ARPC1A: variants seen among roughly 807,000 people sequenced by gnomAD.
ARPC1A encodes the protein actin related protein 2/3 complex subunit 1A, also known as actin-related protein 2/3 complex subunit 1A.
A neutral mutation model predicts 46.9 loss-of-function variants in ARPC1A; 8 were observed. That is an observed-to-expected ratio of 0.17 (90% confidence interval 0.10 to 0.31). The LOEUF is 0.31. Ranked by LOEUF, ARPC1A falls within the 10% of genes least tolerant of loss-of-function variation. The probability of loss-of-function intolerance (pLI) is 1.00; values close to 1 mark genes in which losing one functional copy is unlikely to be tolerated. For missense variants in ARPC1A, 286 were observed against 483.6 expected, an observed-to-expected ratio of 0.59 and a Z score of 3.83; for synonymous variants, 152 against 169.0, an observed-to-expected ratio of 0.90 and a Z score of 0.78.
intron 7 of ARPC1A, 88 bp from the exon 8 acceptor site, chr7:99,359,453 AGAGT>A: frequency 9.4e-7 from 1 of 1,067,164 alleles, no homozygotes; most frequent in Non-Finnish European, 1.3e-6. Flanking sequence ...AAAAAAAAAA[AGAGT>A]AAGAGAGGCC....
rs1793286177 is a variant in ARPC1A at position 99,338,071 on chromosome 7, A to T, written c.65-110A>T. The T allele has an allele frequency of 5.5e-6, 4 of 722,094 alleles. No individual in the cohort carries two copies. In the South Asian group the frequency reaches 9.5e-5, roughly 17 times the overall value. The allele number at this position is 722,094 out of a possible 1,614,324, so 44.7% of individuals were successfully genotyped here. On this transcript the variant is annotated intron_variant, in intron 2 of 9. Transcript: ENST00000262942. ...TGAATTTGGGAACTACTTTTTCAAA[A>T]GTTTTTCTTTTCCTTACTATAGTCT... is the stretch of plus-strand genomic sequence containing the variant.
intron 3 of ARPC1A, chr7:99,339,929 G>C (rs151256972): frequency 2.0e-5 from 9 of 455,022 alleles, no homozygotes; most frequent in Non-Finnish European, 4.0e-5. Flanking sequence ...TCCTGTATGA[G>C]AGTGCTCATT....
intron 3 of ARPC1A, among the ~76,000 whole-genome samples, chr7:99,339,364 A>G (rs1473225441): frequency 1.3e-5 from 2 of 152,152 alleles, no homozygotes; most frequent in African/African-American, 2.4e-5. Flanking sequence ...CCTGGGCAAC[A>G]TAATGAGACC....
intron 3 of ARPC1A, among the ~76,000 whole-genome samples, chr7:99,338,735 G>A (rs1366130415): frequency 2.6e-5 from 4 of 152,018 alleles, no homozygotes; most frequent in African/African-American, 9.7e-5. Flanking sequence ...AAATTTTAAA[G>A]AAAATACTAT....
intron 6 of ARPC1A, 29 bp downstream of exon 6, chr7:99,354,150 G>A: frequency 6.2e-7 from 1 of 1,602,572 alleles, no homozygotes; most frequent in Non-Finnish European, 8.5e-7. Flanking sequence ...TTTGGAAGGT[G>A]GGGAACAAGG....
intron 2 of ARPC1A, among the ~76,000 whole-genome samples, chr7:99,337,710 AT>A (rs530546027): frequency 7.2e-5 from 11 of 152,168 alleles, no homozygotes; most frequent in Admixed American, 5.9e-4. Flanking sequence ...AGCAGAATCA[AT>A]TTTTTTAATA....
chr7:99,365,142 A>T (rs1415771472), intron 9 of ARPC1A, among the ~76,000 whole-genome samples: 1 of 152,140 alleles, frequency 6.6e-6, no homozygotes, highest in African/African-American at 2.4e-5. Context: ...GGAAGCACAG[A>T]TGGAGCTAGA....
chr7:99,352,419 G>T (rs1240751597), intron 5 of ARPC1A, among the ~76,000 whole-genome samples: 1 of 152,078 alleles, frequency 6.6e-6, no homozygotes, highest in Non-Finnish European at 1.5e-5. Flanking sequence ...CACTTTGGGA[G>T]GCTGAGGCAG....
At chr7:99,335,288 A>T (rs1793224262) in intron 2 of ARPC1A, among the ~76,000 whole-genome samples, 2 of 152,146 alleles carry the variant, frequency 1.3e-5, no homozygotes, top group South Asian at 4.1e-4. Context: ...GAGCCACCAC[A>T]CCGGCCAAGA....
intron 7 of ARPC1A, 64 bp downstream of exon 7, chr7:99,358,479 GTGTGCTC>G: frequency 7.2e-7 from 1 of 1,395,618 alleles, no homozygotes; most frequent in Non-Finnish European, 1.0e-6. Flanking sequence ...AGGGAACAAT[GTGTGCTC>G]TGTCACCCTA....
At chr7:99,331,478 G>A (rs368746593) in intron 1 of ARPC1A, among the ~76,000 whole-genome samples, 21 of 147,276 alleles carry the variant, frequency 1.4e-4, no homozygotes, top group African/African-American at 5.3e-4. Context: ...CATTATCTTT[G>A]TCTCCTAAGA....
chr7:99,333,234 C>G, intron 1 of ARPC1A, 91 bp from the exon 2 acceptor site: 2 of 804,112 alleles, frequency 2.5e-6, no homozygotes, highest in Non-Finnish European at 4.1e-6. Context: ...TTATTTATTT[C>G]CGAACATCTT....
intron 9 of ARPC1A, 52 bp from the exon 10 acceptor site, chr7:99,365,839 C>G: frequency 1.3e-6 from 2 of 1,530,994 alleles, no homozygotes; most frequent in Middle Eastern, 1.7e-4. Context: ...TCATACCTAC[C>G]TCGGGGTAGA....
intron 7 of ARPC1A, 120 bp downstream of exon 7, chr7:99,358,535 ACTT>A: frequency 9.7e-6 from 5 of 516,418 alleles, no homozygotes; most frequent in Non-Finnish European, 1.2e-5. Flanking sequence ...AACAGAGCTC[ACTT>A]TTTTTTTTTT....
intron 3 of ARPC1A, among the ~76,000 whole-genome samples, chr7:99,339,153 T>G (rs1328525697): frequency 6.6e-6 from 1 of 152,128 alleles, no homozygotes; most frequent in Non-Finnish European, 1.5e-5. Context: ...TAAAGTCACC[T>G]CTCACCAGCA....
intron 2 of ARPC1A, among the ~76,000 whole-genome samples, chr7:99,334,682 T>C (rs1562796346): frequency 6.6e-6 from 1 of 152,058 alleles, no homozygotes; most frequent in Non-Finnish European, 1.5e-5. Flanking sequence ...TCTGTGTTTA[T>C]TTATTTATTT....
chr7:99,357,310 A>G (rs948132060), intron 6 of ARPC1A, among the ~76,000 whole-genome samples: 4 of 152,118 alleles, frequency 2.6e-5, no homozygotes, highest in Admixed American at 2.0e-4. Context: ...TAGTTCTTCA[A>G]TTCAATGCCA....
intron 8 of ARPC1A, 64 bp downstream of exon 8, chr7:99,359,802 TTACTGGGTTCC>T: frequency 6.4e-7 from 1 of 1,566,342 alleles, no homozygotes; most frequent in South Asian, 1.1e-5. Flanking sequence ...CGCTGTTTCC[TTACTGGGTTCC>T]TACAAAAGCT....
At chr7:99,335,319 CT>C in intron 2 of ARPC1A, 1 of 380,304 alleles carries the variant, frequency 2.6e-6, no homozygotes, top group Non-Finnish European at 5.1e-6. Flanking sequence ...TTTCCTGCAC[CT>C]TTTGTTGAAA....
Sources: allele counts gnomAD v4.1 joint callset (sites outside exome capture counted in the v4.1 genomes callset), GRCh38; gene constraint gnomAD v4.1.1; transcripts MANE v1.5; gene names NCBI Gene and HGNC (gene_info 2026-07-23, HGNC 2026-07-21).